Variants in GLI3 observed in about 807,000 individuals in gnomAD.
The protein encoded by GLI3 is GLI family zinc finger 3.
Under a neutral mutation model 100.8 loss-of-function variants are expected in GLI3, and 20 were observed. The ratio of observed to expected loss-of-function variants is 0.20; its 90% confidence interval spans 0.14 to 0.29. The LOEUF (loss-of-function observed/expected upper bound fraction) is 0.29. Among genes scored for constraint, GLI3 ranks in the 10% least tolerant of loss-of-function variants. GLI3 has a pLI of 1.00. For synonymous variants in GLI3, 938 were observed against 860.5 expected (o/e 1.09, Z -1.58); for missense variants, 2,040 against 2,128.5 (o/e 0.96, Z 0.82).
chr7:42,019,795 T>G (rs1398886994), intron 10 of GLI3, among the ~76,000 whole-genome samples: 2 of 152,160 alleles, frequency 1.3e-5, no homozygotes, highest in African/African-American at 4.8e-5. Context: ...CAGTCTTCAA[T>G]GTACTTGGAA....
At chr7:42,175,937 A>G (rs1787471639) in intron 2 of GLI3, among the ~76,000 whole-genome samples, 1 of 152,162 alleles carries the variant, frequency 6.6e-6, no homozygotes, top group Non-Finnish European at 1.5e-5. Flanking sequence ...AAGGCCACAC[A>G]GCAAAGCCAG....
chr7:41,962,193 C>G lies in GLI3; in HGVS notation c.*2137G>C, dbSNP rs1311966287. 2 of 152,166 alleles carry G rather than the reference C, an allele frequency of 1.3e-5. No individual in the cohort carries two copies. Among genetic ancestry groups the G allele is most frequent in the Admixed American group, 6.5e-5 (1 of 15,272 alleles). The allele number at this position is 152,166 out of a possible 1,614,324, so 9.4% of individuals were successfully genotyped here. On this transcript the variant is annotated 3_prime_UTR_variant, in exon 15 of 15. Transcript: ENST00000395925. ...CTCTGATGGAGGAGGTCAGCATGGT[C>G]CCTTCCACCCAAGCTCCTTTCTTAG...
upstream of GLI3, among the ~76,000 whole-genome samples, chr7:42,240,970 C>T (rs1788918556): frequency 6.6e-6 from 1 of 152,174 alleles, no homozygotes; most frequent in African/African-American, 2.4e-5. Context: ...ACAGTAGCAC[C>T]CAGTTAATTA....
At chr7:42,260,348 T>C (rs1339097126) in intron 1 of GLI3, among the ~76,000 whole-genome samples, 2 of 152,154 alleles carry the variant, frequency 1.3e-5, no homozygotes, top group African/African-American at 4.8e-5. Context: ...AATGTAAGAG[T>C]CCATTTATTA....
chr7:42,168,649 C>T (rs1167613673), intron 2 of GLI3, among the ~76,000 whole-genome samples: 2 of 152,156 alleles, frequency 1.3e-5, no homozygotes, highest in African/African-American at 2.4e-5. Flanking sequence ...AGCACAGTGG[C>T]TCATGCCTGC....
chr7:42,196,378 G>A (rs1380797141), intron 2 of GLI3, among the ~76,000 whole-genome samples: 1 of 152,046 alleles, frequency 6.6e-6, no homozygotes, highest in African/African-American at 2.4e-5. Flanking sequence ...GGATGGGAGG[G>A]GCCAGCTTTA....
intron 10 of GLI3, among the ~76,000 whole-genome samples, chr7:41,987,089 GACACAGACACAGAC>G (rs1787847288): frequency 1.3e-5 from 1 of 76,108 alleles, no homozygotes; most frequent in African/African-American, 5.0e-5. Flanking sequence ...AACATACACA[GACACAGACACAGAC>G]ACACACACAC....
Position 41,964,787 on chromosome 7 carries a change from G to C in GLI3, c.4286C>G (p.Pro1429Arg). 1.2e-6 allele frequency: 2 copies of C among 1,613,680 alleles called. No individual in the cohort carries two copies. The highest frequency in any genetic ancestry group is 1.7e-6 in the Non-Finnish European group (2 of 1,179,664). ...NGIKMEMKGQPHPLCSNLQNY... is the reference protein window; with the variant it reads ...NGIKMEMKGQRHPLCSNLQNY... Reference sequence around the variant, plus strand: ...CTGCAGATTAGAGCACAGCGGATGGGGCTGCCCTTTCATCTCCATCTTGAT... The same window carrying C: ...CTGCAGATTAGAGCACAGCGGATGGCGCTGCCCTTTCATCTCCATCTTGAT... Residue 1429 changes from proline to arginine, a missense_variant, in exon 15 of 15, where the codon CCC becomes CGC. Pro to Arg is a moderately radical substitution (Grantham distance 103, BLOSUM62 -2). Around this residue, in one of 5 missense-constraint regions of GLI3, gnomAD observed 1,041 missense variants for 924.0 expected, o/e 1.13. Transcript: ENST00000395925.
intron 2 of GLI3, among the ~76,000 whole-genome samples, chr7:42,164,646 C>T (rs921565742): frequency 6.6e-6 from 1 of 151,826 alleles, no homozygotes; most frequent in African/African-American, 2.4e-5. Context: ...CTGGCTAACA[C>T]GGTGAAACCC....
At chr7:42,261,197 AC>A (rs1789135419) in intron 1 of GLI3, among the ~76,000 whole-genome samples, 1 of 119,164 alleles carries the variant, frequency 8.4e-6, no homozygotes, top group African/African-American at 3.6e-5. Context: ...AGACACACAC[AC>A]AAACACACAC....
intron 2 of GLI3, 167 bp downstream of exon 2, chr7:42,222,963 A>G: frequency 1.3e-6 from 1 of 748,994 alleles, no homozygotes; most frequent in African/African-American, 1.7e-5. Flanking sequence ...AATAGAGATT[A>G]CTACATTCCA....
At chr7:42,220,566 A>G (rs1788466794) in intron 2 of GLI3, among the ~76,000 whole-genome samples, 1 of 152,210 alleles carries the variant, frequency 6.6e-6, no homozygotes, top group African/African-American at 2.4e-5. Context: ...GTTGCAGAAG[A>G]AAGGGCCTCT....
intron 3 of GLI3, among the ~76,000 whole-genome samples, chr7:42,140,207 G>T (rs1041638704): frequency 8.5e-5 from 13 of 152,120 alleles, no homozygotes; most frequent in African/African-American, 2.4e-4. Context: ...GCTCCCAAAG[G>T]ACTCCTCACT....
chr7:42,169,755 G>C (rs954661790), intron 2 of GLI3, among the ~76,000 whole-genome samples: 6 of 144,718 alleles, frequency 4.1e-5, no homozygotes, highest in African/African-American at 1.5e-4. Context: ...ACAAAAAAAA[G>C]AAGAGAAGCA....
intron 4 of GLI3, among the ~76,000 whole-genome samples, chr7:42,058,863 T>C (rs1201021831): frequency 6.6e-6 from 1 of 152,268 alleles, no homozygotes; most frequent in East Asian, 1.9e-4. Flanking sequence ...CTCTACTCTG[T>C]ACTGTAAATA....
At position 41,964,895 on chromosome 7, in the gene GLI3, C is replaced by T; in HGVS notation, c.4178G>A (p.Arg1393Lys). Residue 1393 changes from arginine (R) to lysine (K), a missense_variant, in exon 15 of 15, where the codon AGG becomes AAG. Around this residue, in one of 5 missense-constraint regions of GLI3, gnomAD observed 1,041 missense variants for 924.0 expected, o/e 1.13. Transcript: ENST00000395925. ...GCTGTCCCTCGGCATAGCCTGGCGCCTGCTGCCCCCAAAGCTGGCACATGG... is the reference window on the plus strand; with the variant it reads ...GCTGTCCCTCGGCATAGCCTGGCGCTTGCTGCCCCCAAAGCTGGCACATGG... ...YQPCASFGGSRRQAMPRDSLA... is the reference protein window; with the variant it reads ...YQPCASFGGSKRQAMPRDSLA... The T allele has an allele frequency of 6.2e-7, 1 of 1,613,846 alleles. No individual in the cohort carries two copies. The highest frequency in any genetic ancestry group is 2.2e-5 in the East Asian group (1 of 44,878).
intron 3 of GLI3, chr7:42,118,230 T>G (rs917674669): frequency 7.5e-6 from 3 of 398,494 alleles, no homozygotes; most frequent in African/African-American, 6.2e-5. Context: ...ATGTGCATGT[T>G]AAGTCCCAAA....
chr7:41,987,197 C>T (rs914237713), intron 10 of GLI3, among the ~76,000 whole-genome samples: 1 of 151,606 alleles, frequency 6.6e-6, no homozygotes, highest in Non-Finnish European at 1.5e-5. Context: ...GAGACAGAGT[C>T]TTGCTCTGTT....
chr7:42,215,335 A>G (rs1286593749), intron 2 of GLI3, among the ~76,000 whole-genome samples: 1 of 152,200 alleles, frequency 6.6e-6, no homozygotes, highest in African/African-American at 2.4e-5. Context: ...AAACGTTTCT[A>G]TGTAAACAAG....
Sources: allele counts gnomAD v4.1 joint callset (sites outside exome capture counted in the v4.1 genomes callset), GRCh38; gene constraint gnomAD v4.1.1; regional missense constraint gnomAD v4.1.1; transcripts MANE v1.5; gene names NCBI Gene and HGNC (gene_info 2026-07-23, HGNC 2026-07-21).